The following NPLOC4 variants were observed in gnomAD, a reference collection of about 807,000 sequenced individuals.
The protein encoded by NPLOC4 is NPL4 homolog, ubiquitin recognition factor.
A neutral mutation model predicts 80.6 loss-of-function variants in NPLOC4; 18 were observed. That is an observed-to-expected ratio of 0.22 (90% CI 0.15 to 0.33). The LOEUF is 0.33. Ranked by LOEUF, NPLOC4 falls within the 10% of genes least tolerant of loss-of-function variation. The pLI is 1.00. For synonymous variants in NPLOC4, 313 were observed against 301.5 expected, an observed-to-expected ratio of 1.04 and a Z score of -0.39; for missense variants, 540 against 786.1, an observed-to-expected ratio of 0.69 and a Z score of 3.74.
At chr17:81,584,031 T>G (rs1289181981) in intron 12 of NPLOC4, among the ~76,000 whole-genome samples, 1 of 152,204 alleles carries the variant, frequency 6.6e-6, no homozygotes, top group Non-Finnish European at 1.5e-5. Flanking sequence ...TAATATGCCC[T>G]TGGGACAGGG....
chr17:81,616,109 G>C (rs965558330), intron 3 of NPLOC4, among the ~76,000 whole-genome samples: 3 of 151,682 alleles, frequency 2.0e-5, no homozygotes, highest in African/African-American at 7.3e-5. Context: ...ACGAGGTCAA[G>C]AGATTGAGAC....
chr17:81,625,547 A>T (rs949539909), intron 2 of NPLOC4, among the ~76,000 whole-genome samples: 2 of 152,206 alleles, frequency 1.3e-5, no homozygotes, highest in African/African-American at 2.4e-5. Flanking sequence ...AATTCACTGA[A>T]CGGGCTTATC....
In NPLOC4 at chr17:81,580,231, G is replaced by A. The variant is rs1014497305; in HGVS notation, c.1282-8143C>T. On this transcript the variant is annotated intron_variant, in intron 12 of 16. Coordinates refer to ENST00000331134, the MANE Select transcript of NPLOC4 (RefSeq NM_017921.4). This position sits in a 1 kb window ranked among gnomAD's most constrained non-coding sequence, Gnocchi z 4.4. ...CTCTCCCAAGCAATGCGCTCACCCC[G>A]GGTGGTGCCTCTGCACTAGCACATC... Among the ~76,000 whole-genome samples the A allele has an allele frequency of 1.1e-4, 17 of 152,214 alleles. No individual in the cohort carries two copies. The highest frequency in any genetic ancestry group is 1.9e-4 in the Non-Finnish European group (13 of 68,002).
chr17:81,570,211 GC>G (rs2034124943), intron 13 of NPLOC4, among the ~76,000 whole-genome samples: 1 of 152,238 alleles, frequency 6.6e-6, no homozygotes, highest in African/African-American at 2.4e-5. Flanking sequence ...GACTCGGGCC[GC>G]GGTGCCACGT....
intron 15 of NPLOC4, 73 bp from the exon 16 acceptor site, chr17:81,565,680 T>C: frequency 7.9e-6 from 9 of 1,142,942 alleles, no homozygotes; most frequent in Non-Finnish European, 1.1e-5. Context: ...AACAGGTTTC[T>C]TTCTCCCCAA....
At chr17:81,611,050 T>A (rs545707225) in intron 4 of NPLOC4, among the ~76,000 whole-genome samples, 42 of 152,090 alleles carry the variant, frequency 2.8e-4, no homozygotes, top group South Asian at 1.5e-3. Context: ...CCAAAGGCAG[T>A]GGCTCACACC....
intron 4 of NPLOC4, among the ~76,000 whole-genome samples, chr17:81,612,037 C>T (rs1437866437): frequency 2.6e-5 from 4 of 151,336 alleles, no homozygotes; most frequent in African/African-American, 4.9e-5. Flanking sequence ...GGCCTGAGAG[C>T]GGTGCATAAA....
At chr17:81,583,171 A>C (rs1054264434) in intron 12 of NPLOC4, among the ~76,000 whole-genome samples, 1 of 152,264 alleles carries the variant, frequency 6.6e-6, no homozygotes, top group African/African-American at 2.4e-5. Flanking sequence ...ATATCTATCA[A>C]AACTCGAAAA....
chr17:81,564,103 C>CACACACACACACACACACACAG, intron 16 of NPLOC4: 5 of 340,520 alleles, frequency 1.5e-5, no homozygotes, highest in Non-Finnish European at 1.7e-5. Flanking sequence ...CACACACACA[C>CACACACACACACACACACACAG]ACACACACAC....
intron 12 of NPLOC4, among the ~76,000 whole-genome samples, chr17:81,586,777 G>A (rs781367836): frequency 1.3e-5 from 2 of 152,234 alleles, no homozygotes; most frequent in African/African-American, 4.8e-5. Flanking sequence ...CTCACAAAGA[G>A]CTCTACCAGG....
rs900794077 is a variant in NPLOC4 at position 81,600,098 on chromosome 17, AT to A, written c.921+242del. ...ATATAACAGCCAGATCTGCACTGGG[AT>A]TTTTTTTTTTTTATGCTCAAGAAAA... On this transcript the variant is annotated intron_variant, in intron 9 of 16. Coordinates refer to ENST00000331134, the MANE Select transcript of NPLOC4 (RefSeq NM_017921.4). Among the ~76,000 whole-genome samples the A allele has an allele frequency of 9.7e-3, 1,409 of 145,674 alleles. 28 individuals are homozygous for A. The highest frequency in any genetic ancestry group is 0.031 in the African/African-American group (1,250 of 40,080).
intron 13 of NPLOC4, among the ~76,000 whole-genome samples, chr17:81,569,932 G>A (rs1286683096): frequency 2.6e-5 from 4 of 152,244 alleles, no homozygotes; most frequent in Non-Finnish European, 4.4e-5. Flanking sequence ...TTGAGTTGAT[G>A]CTGCTTTTCT....
intron 14 of NPLOC4, chr17:81,568,070 C>G (rs2034058973): frequency 9.2e-6 from 1 of 109,216 alleles, no homozygotes; most frequent in Non-Finnish European, 1.7e-5. Context: ...TAGAGTGAGA[C>G]TCTGTCTTCC....
intron 2 of NPLOC4, among the ~76,000 whole-genome samples, chr17:81,626,758 A>G (rs1444797398): frequency 6.6e-6 from 1 of 152,166 alleles, no homozygotes; most frequent in Non-Finnish European, 1.5e-5. Context: ...TGACTTTGCC[A>G]GTGCACTCCA....
intron 1 of NPLOC4, among the ~76,000 whole-genome samples, chr17:81,634,589 CTTTT>C (rs34386430): frequency 7.1e-6 from 1 of 141,828 alleles, no homozygotes; most frequent in Non-Finnish European, 1.5e-5. Context: ...ATGATTAACA[CTTTT>C]TTTTTTTTTT....
Position 81,572,161 on chromosome 17 carries a change from C to G in NPLOC4, c.1282-73G>C. ...AATGATTTTCCTTTCACATGCTTGT[C>G]TCACCTTTTATTTAATTAATTAATT... is the stretch of plus-strand genomic sequence containing the variant. On this transcript the variant is annotated intron_variant, in intron 12 of 16. Coordinates refer to ENST00000331134, the MANE Select transcript of NPLOC4 (RefSeq NM_017921.4). This position sits in a 1 kb window ranked among gnomAD's most constrained non-coding sequence, Gnocchi z 4.5. 1 of 759,182 alleles carries G rather than the reference C, an allele frequency of 1.3e-6. No homozygotes were observed. The highest frequency in any genetic ancestry group is 2.0e-6 in the Non-Finnish European group (1 of 500,882). 47.0% of individuals were successfully genotyped at this position (759,182 alleles called of 1,614,324 possible).
chr17:81,629,366 A>C (rs2035875765), intron 2 of NPLOC4, among the ~76,000 whole-genome samples: 1 of 150,872 alleles, frequency 6.6e-6, no homozygotes, highest in African/African-American at 2.4e-5. Flanking sequence ...TAATTTTTGT[A>C]TTTTTAGTAG....
At chr17:81,626,318 G>GAA (rs55857349) in intron 2 of NPLOC4, among the ~76,000 whole-genome samples, 50 of 135,536 alleles carry the variant, frequency 3.7e-4, no homozygotes, top group Middle Eastern at 3.7e-3. Flanking sequence ...TCCATCTCAA[G>GAA]AAAAAAAAAA....
chr17:81,559,359 G>T lies in NPLOC4; in HGVS notation c.1727C>A (p.Thr576Lys). Residue 576 changes from threonine to lysine, a missense_variant, in exon 17 of 17, where the codon ACA becomes AAA. By Grantham distance (78) the Thr-to-Lys change is moderately conservative. Coordinates refer to ENST00000331134, the MANE Select transcript of NPLOC4 (RefSeq NM_017921.4). ...LHEYGAVGGS[T>K]HTATAAMWAC... ...CCACATGGCTGCAGTGGCCGTGTGT[G>T]TGGAGCCCCCGACGGCGCCGTACTC... 1.9e-6 allele frequency: 3 copies of T among 1,608,676 alleles called. No homozygotes were observed. The highest frequency in any genetic ancestry group is 2.5e-6 in the Non-Finnish European group (3 of 1,177,934).
Sources: allele counts gnomAD v4.1 joint callset (sites outside exome capture counted in the v4.1 genomes callset), GRCh38; gene constraint gnomAD v4.1.1; non-coding constraint Gnocchi (gnomAD v3.1); transcripts MANE v1.5; gene names NCBI Gene and HGNC (gene_info 2026-07-23, HGNC 2026-07-21).